KLHL3: variants seen among roughly 807,000 people sequenced by gnomAD.
KLHL3 encodes the protein kelch like family member 3, also known as kelch-like protein 3.
KLHL3 carries 19 observed loss-of-function variants against 70.5 expected under a neutral mutation model. The ratio of observed to expected loss-of-function variants is 0.27; its 90% CI spans 0.19 to 0.40. The LOEUF (loss-of-function observed/expected upper bound fraction) is 0.40. KLHL3 is among the 10% of genes least tolerant of loss of function. The pLI is 1.00. For missense variants in KLHL3, 512 were observed against 771.1 expected, an observed-to-expected ratio of 0.66 and a Z score of 3.98; for synonymous variants, 258 against 290.3, an observed-to-expected ratio of 0.89 and a Z score of 1.13.
At chr5:137,722,507 G>A (rs890835958) in intron 1 of KLHL3, among the ~76,000 whole-genome samples, 2 of 151,986 alleles carry the variant, frequency 1.3e-5, no homozygotes, top group Admixed American at 6.5e-5. Flanking sequence ...ATCAGAGAGG[G>A]GAAGCAACCA....
At chr5:137,690,673 T>C (rs2149916666) in intron 5 of KLHL3, among the ~76,000 whole-genome samples, 1 of 151,908 alleles carries the variant, frequency 6.6e-6, no homozygotes, top group African/African-American at 2.4e-5. Flanking sequence ...GACATGAGAG[T>C]CTCTGCAGGC....
chr5:137,621,887 G>T lies in KLHL3; in HGVS notation c.*211C>A, dbSNP rs1324859234. On this transcript the variant is annotated 3_prime_UTR_variant, in exon 15 of 15. Transcript: ENST00000309755. ...GGGATGTCAAGACCCCCCTTGCTCA[G>T]GGCATAGGCCAGAGCACCTCAGGGG... is the stretch of plus-strand genomic sequence containing the variant. 4 of 605,776 alleles carry T rather than the reference G, an allele frequency of 6.6e-6. No individual in the cohort carries two copies. The African/African-American group carries it at 7.4e-5, about 11-fold the overall frequency. The allele number at this position is 605,776 out of a possible 1,614,324, so 37.5% of individuals were successfully genotyped here.
At chr5:137,675,271 G>A (rs748382696) in intron 6 of KLHL3, among the ~76,000 whole-genome samples, 1 of 152,134 alleles carries the variant, frequency 6.6e-6, no homozygotes, top group Non-Finnish European at 1.5e-5. Context: ...ATTTTTAAGT[G>A]TATACATTTT....
chr5:137,620,684 G>A lies in KLHL3; in HGVS notation c.*1414C>T, dbSNP rs962125822. The A allele has an allele frequency of 4.6e-5, 7 of 152,204 alleles. No homozygotes were observed. The highest frequency in any genetic ancestry group is 8.8e-5 in the Non-Finnish European group (6 of 68,042). The allele number at this position is 152,204 out of a possible 1,614,324, so 9.4% of individuals were successfully genotyped here. ...CCCTCAAATGCCCGCTCCTCAAGATGCTTGAAGTTCTATTGTTAATAATTT... is the reference window on the plus strand; with the variant it reads ...CCCTCAAATGCCCGCTCCTCAAGATACTTGAAGTTCTATTGTTAATAATTT... On this transcript the variant is annotated 3_prime_UTR_variant, in exon 15 of 15. Transcript: ENST00000309755.
intron 4 of KLHL3, among the ~76,000 whole-genome samples, chr5:137,694,002 A>G (rs536170006): frequency 5.3e-4 from 81 of 151,986 alleles, no homozygotes; most frequent in Non-Finnish European, 1.0e-3. Context: ...TTGTCCCTCC[A>G]CTGGGTTTAC....
rs1388897520 is a variant in KLHL3, at chr5:137,709,871, T to G, written c.135-15A>C. 1 of 1,604,750 alleles carries G rather than the reference T, an allele frequency of 6.2e-7. No homozygotes were observed. Among genetic ancestry groups the G allele is most frequent in the Admixed American group, 1.7e-5 (1 of 60,008 alleles). On this transcript the variant is annotated splice_polypyrimidine_tract_variant and intron_variant, in intron 2 of 14. Coordinates refer to ENST00000309755, the MANE Select transcript of KLHL3 (RefSeq NM_017415.3). Reference sequence around the variant, plus strand: ...ACAGCTGTTTACTGTAAGACACCAGTGAGAGGACAGGATGGGTTGCAGCAA... The same window carrying G: ...ACAGCTGTTTACTGTAAGACACCAGGGAGAGGACAGGATGGGTTGCAGCAA...
chr5:137,724,426 G>A (rs1396998527), intron 1 of KLHL3, among the ~76,000 whole-genome samples: 2 of 152,202 alleles, frequency 1.3e-5, no homozygotes, highest in African/African-American at 4.8e-5. Flanking sequence ...GCACTTTCCA[G>A]AATGGTCCAA....
At chr5:137,681,103 T>C (rs1437670578) in intron 5 of KLHL3, among the ~76,000 whole-genome samples, 2 of 152,124 alleles carry the variant, frequency 1.3e-5, no homozygotes, top group Non-Finnish European at 2.9e-5. Context: ...TTTAATTCTA[T>C]CGAATTCAAC....
At chr5:137,676,797 C>A (rs1279663458) in intron 6 of KLHL3, among the ~76,000 whole-genome samples, 1 of 152,186 alleles carries the variant, frequency 6.6e-6, no homozygotes, top group Non-Finnish European at 1.5e-5. Context: ...TGCTGGCCAA[C>A]ACTGAAGCTT....
intron 7 of KLHL3, among the ~76,000 whole-genome samples, chr5:137,658,950 C>T (rs1038450005): frequency 2.0e-5 from 3 of 152,160 alleles, no homozygotes; most frequent in African/African-American, 7.2e-5. Context: ...TTCTTTATCT[C>T]TTATTCCAGA....
At chr5:137,623,829 A>G (rs1385137970) in intron 14 of KLHL3, among the ~76,000 whole-genome samples, 1 of 152,242 alleles carries the variant, frequency 6.6e-6, no homozygotes, top group East Asian at 1.9e-4. Context: ...ACAGGGGTTC[A>G]GTATGATAGA....
intron 8 of KLHL3, among the ~76,000 whole-genome samples, chr5:137,644,661 A>C (rs1489065046): frequency 1.3e-5 from 2 of 152,242 alleles, no homozygotes; most frequent in African/African-American, 4.8e-5. Context: ...AACAAGATTG[A>C]ATCACTAATA....
chr5:137,640,022 G>A (rs1750873195), intron 8 of KLHL3, 45 bp from the exon 9 acceptor site: 2 of 1,507,404 alleles, frequency 1.3e-6, no homozygotes, highest in Non-Finnish European at 1.8e-6. Flanking sequence ...CCCAAAATCT[G>A]GATTTATGGT....
At chr5:137,716,192 G>A (rs1000552598) in intron 2 of KLHL3, among the ~76,000 whole-genome samples, 13 of 151,602 alleles carry the variant, frequency 8.6e-5, no homozygotes, top group African/African-American at 3.1e-4. Context: ...TCAATATAGT[G>A]TTAAGTTAGG....
At chr5:137,662,756 C>CA (rs1751513050) in intron 6 of KLHL3, among the ~76,000 whole-genome samples, 1 of 151,968 alleles carries the variant, frequency 6.6e-6, no homozygotes, top group African/African-American at 2.4e-5. Flanking sequence ...ATGGGGAAAC[C>CA]AGCAGTGTCT....
At position 137,688,342 on chromosome 5, in the gene KLHL3, G is replaced by A. The variant is rs550982938; in HGVS notation, c.526+3943C>T. 9.8e-5 allele frequency among the ~76,000 whole-genome samples: 15 copies of A among 152,320 alleles called. No homozygotes were observed. The East Asian group carries it at 2.9e-3, about 29-fold the overall frequency. On this transcript the variant is annotated intron_variant, in intron 5 of 14. Coordinates refer to ENST00000309755, the MANE Select transcript of KLHL3 (RefSeq NM_017415.3). ...ATGCTGACCCAGCCAGGAAAAGTAG[G>A]AGGGCCTGCTCACTCATTCAGTGAG...
At chr5:137,670,164 A>T (rs765893225) in intron 6 of KLHL3, among the ~76,000 whole-genome samples, 81 of 152,154 alleles carry the variant, frequency 5.3e-4, no homozygotes, top group Non-Finnish European at 9.8e-4. Flanking sequence ...GCCACATAAA[A>T]ATTGAGAGTT....
At chr5:137,628,712 T>C (rs55881209) in intron 12 of KLHL3, 3,999 of 199,330 alleles carry the variant, frequency 0.02, 160 homozygotes, top group African/African-American at 0.099. Context: ...TATATATATA[T>C]ACACACACAC....
intron 3 of KLHL3, among the ~76,000 whole-genome samples, chr5:137,699,065 C>CT (rs1269003148): frequency 6.6e-6 from 1 of 152,078 alleles, no homozygotes; most frequent in Non-Finnish European, 1.5e-5. Context: ...GAGTCTGACT[C>CT]TAGAGTCCAT....
Sources: gnomAD v4.1 joint callset for allele counts (sites outside exome capture counted in the v4.1 genomes callset) on GRCh38, gnomAD v4.1.1 for gene constraint, MANE v1.5 for transcripts, NCBI Gene and HGNC (gene_info 2026-07-23, HGNC 2026-07-21) for gene names.